The following KDM6A variants were observed in gnomAD, a reference collection of about 807,000 sequenced individuals.
KDM6A encodes the protein lysine-specific demethylase 6A.
A neutral mutation model predicts 117.6 loss-of-function variants in KDM6A; 11 were observed. That is an observed-to-expected ratio of 0.09 (90% CI 0.06 to 0.15). KDM6A has a LOEUF of 0.15. Ranked by LOEUF, KDM6A falls within the 10% of genes least tolerant of loss-of-function variation. The pLI is 1.00. For synonymous variants in KDM6A, 384 were observed against 396.1 expected, an observed-to-expected ratio of 0.97 and a Z score of 0.36; for missense variants, 799 against 1,077.3, an observed-to-expected ratio of 0.74 and a Z score of 3.62.
At chrX:45,025,432 G>A (rs1569523444) in intron 6 of KDM6A, among the ~76,000 whole-genome samples, 1 of 112,164 alleles carries the variant, frequency 8.9e-6, no homozygotes, top group African/African-American at 3.2e-5. Context: ...CAAAGTGCTG[G>A]AATTACAGGT....
Position 44,873,385 on chromosome X carries a change from GCCTTCA to G in KDM6A, c.-164_-159del. On this transcript the variant is annotated 5_prime_UTR_variant, in exon 1 of 30. Transcript: ENST00000611820. ...CGCAGCCCCTGCCGCCGCCGCCGCC[GCCTTCA>G]CCGCCGCCGCGTTGGGATTTTTCGT... 1 of 735,199 alleles carries G rather than the reference GCCTTCA, an allele frequency of 1.4e-6. No homozygotes were observed. Among genetic ancestry groups the G allele is most frequent in the Non-Finnish European group, 1.9e-6 (1 of 517,442 alleles). The allele number at this position is 735,199 out of a possible 1,213,427, so 60.6% of individuals were successfully genotyped here.
chrX:45,106,409 G>A, intron 27 of KDM6A: 1 of 206,537 alleles, frequency 4.8e-6, no homozygotes, highest in South Asian at 6.9e-5. Context: ...TTTTAGTTGT[G>A]TATTGATTAA....
chrX:45,040,765 CG>C (rs1169460611), intron 8 of KDM6A, among the ~76,000 whole-genome samples: 1 of 61,254 alleles, frequency 1.6e-5, no homozygotes, highest in Admixed American at 1.7e-4. Flanking sequence ...GCTGGCCGGG[CG>C]GGGGGCTGAC....
In KDM6A at chrX:45,108,649, G is replaced by T. The variant is rs528447046; in HGVS notation, c.4161+1113G>T. 2.9e-5 allele frequency among the ~76,000 whole-genome samples: 3 copies of T among 102,546 alleles called. No individual in the cohort carries two copies. The South Asian group carries it at 1.4e-3, about 49-fold the overall frequency. The allele number at this position is 102,546 out of a possible 115,157, so 89.0% of individuals were successfully genotyped here. On this transcript the variant is annotated intron_variant, in intron 28 of 29. Transcript: ENST00000611820. ...TACCCAAATGACTATAAATCATGCTGCTATAAAGACACATGCACACGTATG... is the reference window on the plus strand; with the variant it reads ...TACCCAAATGACTATAAATCATGCTTCTATAAAGACACATGCACACGTATG...
At chrX:44,884,915 A>G (rs1602049512) in intron 2 of KDM6A, among the ~76,000 whole-genome samples, 1 of 111,755 alleles carries the variant, frequency 8.9e-6, no homozygotes, top group African/African-American at 3.2e-5. Context: ...CTGAATTTAT[A>G]ATTGTCTTTA....
At chrX:44,878,883 G>A (rs1226115850) in intron 2 of KDM6A, among the ~76,000 whole-genome samples, 2 of 110,322 alleles carry the variant, frequency 1.8e-5, no homozygotes, top group Non-Finnish European at 3.8e-5. Context: ...CACCACACCC[G>A]GCTAATTTTT....
chrX:45,087,262 T>C (rs1247252093), intron 25 of KDM6A, among the ~76,000 whole-genome samples: 1 of 113,433 alleles, frequency 8.8e-6, no homozygotes, highest in African/African-American at 3.2e-5. Context: ...GTGCTGGGAT[T>C]ACAGGCGTGA....
intron 2 of KDM6A, among the ~76,000 whole-genome samples, chrX:44,922,153 C>T (rs2146892572): frequency 1.0e-5 from 1 of 98,805 alleles, no homozygotes; most frequent in South Asian, 5.4e-4. Flanking sequence ...AGCAATTCTC[C>T]TGCCTCAGCC....
intron 2 of KDM6A, among the ~76,000 whole-genome samples, chrX:44,911,921 G>T (rs963211568): frequency 9.2e-6 from 1 of 108,964 alleles, no homozygotes; most frequent in Non-Finnish European, 1.9e-5. Context: ...CAGGCGCTTG[G>T]CAGGTTGAGG....
intron 2 of KDM6A, among the ~76,000 whole-genome samples, chrX:44,948,630 T>G (rs952903713): frequency 3.5e-4 from 39 of 111,987 alleles, no homozygotes; most frequent in African/African-American, 1.3e-3. Flanking sequence ...AGGGAAACTT[T>G]TACATCAAAA....
At chrX:44,882,536 T>C (rs969551148) in intron 2 of KDM6A, among the ~76,000 whole-genome samples, 15 of 112,370 alleles carry the variant, frequency 1.3e-4, no homozygotes, top group African/African-American at 4.5e-4. Flanking sequence ...GTGAATTTTG[T>C]TTGTATTTTG....
intron 8 of KDM6A, among the ~76,000 whole-genome samples, chrX:45,040,509 C>A (rs1170005718): frequency 1.3e-5 from 1 of 76,472 alleles, no homozygotes; most frequent in Non-Finnish European, 2.6e-5. Flanking sequence ...GACCCCCCCA[C>A]CTCCCTCCCG....
chrX:45,033,562 A>G (rs1389262767), intron 6 of KDM6A, among the ~76,000 whole-genome samples: 1 of 110,312 alleles, frequency 9.1e-6, no homozygotes. Flanking sequence ...CTTTTATTTT[A>G]TTTTATTTTT....
chrX:45,022,028 T>G (rs1052199852), intron 6 of KDM6A, among the ~76,000 whole-genome samples: 3 of 112,520 alleles, frequency 2.7e-5, no homozygotes, highest in African/African-American at 6.5e-5. Context: ...AATAAACATT[T>G]AAGCATTTCA....
intron 4 of KDM6A, among the ~76,000 whole-genome samples, chrX:44,975,669 C>T (rs748857390): frequency 1.8e-5 from 2 of 111,661 alleles, no homozygotes; most frequent in Non-Finnish European, 3.8e-5. Flanking sequence ...GCTGTTTTAA[C>T]TATACAAATC....
intron 2 of KDM6A, among the ~76,000 whole-genome samples, chrX:44,898,837 C>T (rs1040960063): frequency 9.2e-6 from 1 of 109,115 alleles, no homozygotes; most frequent in Non-Finnish European, 1.9e-5. Context: ...AGTCCCACAG[C>T]CTGCTTTTGC....
intron 4 of KDM6A, among the ~76,000 whole-genome samples, chrX:44,989,369 C>T (rs1368595500): frequency 1.9e-5 from 2 of 107,458 alleles, no homozygotes; most frequent in African/African-American, 6.8e-5. Flanking sequence ...TGATGCCTCG[C>T]CCTGCTTCGG....
chrX:45,078,709 G>T (rs2045252428), intron 20 of KDM6A, among the ~76,000 whole-genome samples: 1 of 108,863 alleles, frequency 9.2e-6, no homozygotes, highest in South Asian at 3.9e-4. Context: ...TATATTGTTG[G>T]TGATACTGGT....
chrX:45,042,252 G>C (rs999114596), intron 8 of KDM6A, among the ~76,000 whole-genome samples: 1 of 69,544 alleles, frequency 1.4e-5, no homozygotes, highest in African/African-American at 9.7e-5. Flanking sequence ...GAAGGAGACC[G>C]TGGAGGGAGA....
Sources: allele counts gnomAD v4.1 joint callset (sites outside exome capture counted in the v4.1 genomes callset), GRCh38; gene constraint gnomAD v4.1.1; transcripts MANE v1.5; gene names NCBI Gene and HGNC (gene_info 2026-07-23, HGNC 2026-07-21).